Variants in CACNA1G observed in about 807,000 individuals in gnomAD.
The protein encoded by CACNA1G is voltage-dependent T-type calcium channel subunit alpha-1G.
In CACNA1G, 67 loss-of-function variants were observed where a neutral mutation model predicts 219.4. That is an observed-to-expected ratio of 0.31 (90% confidence interval 0.25 to 0.37). The LOEUF is 0.37. Ranked by LOEUF, CACNA1G falls within the 10% of genes least tolerant of loss-of-function variation. The pLI, the probability that CACNA1G is intolerant of heterozygous loss-of-function variation, is 1.00. For missense variants in CACNA1G, 2,380 were observed against 3,231.4 expected, an observed-to-expected ratio of 0.74 and a Z score of 6.39; for synonymous variants, 1,296 against 1,345.3, an observed-to-expected ratio of 0.96 and a Z score of 0.80.
chr17:50,602,760 A>G, intron 19 of CACNA1G, 60 bp from the exon 20 acceptor site: 1 of 1,502,698 alleles, frequency 6.7e-7, no homozygotes. Context: ...TATGCAGAGC[A>G]GACCTGGCCC....
chr17:50,571,802 G>T lies in CACNA1G; in HGVS notation c.587-76G>T. The T allele has an allele frequency of 1.3e-6, 2 of 1,538,008 alleles. No homozygotes were observed. The highest frequency in any genetic ancestry group is 2.2e-5 in the South Asian group (2 of 89,228). On this transcript the variant is annotated intron_variant, in intron 4 of 37. Transcript: ENST00000359106. The surrounding 1 kb of genome is among the most constrained non-coding windows in gnomAD (Gnocchi z 4.3). ...TCAGAGTCCCTGGTGGGGCCCCTCC[G>T]GGAGTGCTGCCGGGCCGTGGCAGTC...
intron 9 of CACNA1G, among the ~76,000 whole-genome samples, chr17:50,581,099 C>T (rs931507464): frequency 7.5e-6 from 1 of 132,470 alleles, no homozygotes; most frequent in Non-Finnish European, 1.6e-5. Context: ...AAGATGGAGA[C>T]GGGGGAGGAG....
chr17:50,596,680 C>G lies in CACNA1G; in HGVS notation c.3064+34C>G. The G allele has an allele frequency of 6.2e-7, 1 of 1,613,530 alleles. No homozygotes were observed. Among genetic ancestry groups the G allele is most frequent in the Non-Finnish European group, 8.5e-7 (1 of 1,179,576 alleles). ...CTATCCTGGGGTGCGACTTTTGGCC[C>G]TGGGCCAGCCCTGTGTGGACTCGGG... is the stretch of plus-strand genomic sequence containing the variant. On this transcript the variant is annotated intron_variant, in intron 15 of 37. Transcript: ENST00000359106. The surrounding 1 kb of genome is among the most constrained non-coding windows in gnomAD (Gnocchi z 4.8).
chr17:50,625,218 C>T (rs755238771), intron 37 of CACNA1G, among the ~76,000 whole-genome samples: 1 of 152,212 alleles, frequency 6.6e-6, no homozygotes, highest in Non-Finnish European at 1.5e-5. Flanking sequence ...ACCCAAAGTG[C>T]CGGGATTACA....
At chr17:50,566,580 C>A (rs2144528189) in intron 1 of CACNA1G, among the ~76,000 whole-genome samples, 2 of 152,324 alleles carry the variant, frequency 1.3e-5, no homozygotes, top group Middle Eastern at 3.4e-3. Flanking sequence ...AGGGGCAACT[C>A]CTCTGTGAGG....
chr17:50,602,724 A>T, intron 19 of CACNA1G, 96 bp from the exon 20 acceptor site: 1 of 1,080,930 alleles, frequency 9.3e-7, no homozygotes, highest in Non-Finnish European at 1.4e-6. Flanking sequence ...TCTGAGTCAA[A>T]TGTTAGAAGC....
At chr17:50,579,640 T>C (rs764002416) in intron 9 of CACNA1G, among the ~76,000 whole-genome samples, 14 of 152,244 alleles carry the variant, frequency 9.2e-5, no homozygotes, top group Admixed American at 9.2e-4. Context: ...TCCTGGGTGT[T>C]CTGGCCTCCC....
In CACNA1G at chr17:50,599,668, G is replaced by A; in HGVS notation, c.3499G>A (p.Glu1167Lys). 1 of 1,613,190 alleles carries A rather than the reference G, an allele frequency of 6.2e-7. No individual in the cohort carries two copies. Among genetic ancestry groups the A allele is most frequent in the Non-Finnish European group, 8.5e-7 (1 of 1,179,572 alleles). The change falls in exon 17 of 38, where the codon GAG becomes AAG. Residue 1167 changes from glutamate to lysine, a missense_variant. Transcript: ENST00000359106. ...DHRHRGSLER[E>K]AKSSFDLPDT... ...TCGCCACAGGGGGTCCCTGGAGCGG[G>A]AGGCCAAGAGTTCCTTTGACCTGCC... is the stretch of plus-strand genomic sequence containing the variant.
Position 50,619,748 on chromosome 17 carries a change from G to T in CACNA1G, c.5847G>T (p.Leu1949=). 6.2e-7 allele frequency: 1 copy of T among 1,609,974 alleles called. No individual in the cohort carries two copies. The change falls in exon 34 of 38, where the codon CTG becomes CTT. Residue 1949 remains leucine (L), a synonymous_variant. Transcript: ENST00000359106. The part of the protein sequence containing the change: ...IQGSLEWELK[L]MDELAGPGGQ... ...GCTCCCTGGAGTGGGAGCTGAAGCT[G>T]ATGGACGAGCTGGCAGGCCCAGGGG...
rs1431189685 is a variant in CACNA1G at position 50,591,782 on chromosome 17, C to T, written c.2683C>T (p.Arg895Trp). Residue 895 changes from arginine to tryptophan, a missense_variant, in exon 12 of 38, where the codon CGG becomes TGG. Arg to Trp is a moderately radical substitution (Grantham distance 101, BLOSUM62 -3). Coordinates refer to ENST00000359106, the MANE Select transcript of CACNA1G (RefSeq NM_018896.5). The part of the protein sequence containing the change: ...HLFGCKFASE[R>W]DGDTLPDRKN... ...CTTCGGCTGCAAGTTTGCCTCTGAG[C>T]GGGATGGGGACACCCTGCCAGACCG... is the stretch of plus-strand genomic sequence containing the variant. 26 of 1,613,966 alleles carry T rather than the reference C, an allele frequency of 1.6e-5. No individual in the cohort carries two copies. Among genetic ancestry groups the T allele is most frequent in the South Asian group, 2.2e-5 (2 of 91,078 alleles).
intron 7 of CACNA1G, chr17:50,573,329 G>T: frequency 1.9e-6 from 1 of 537,760 alleles, no homozygotes. Context: ...GGGACCTTGG[G>T]CAAGTCATTC....
At chr17:50,569,586 A>G (rs1255654081) in intron 3 of CACNA1G, 120 bp from the exon 4 acceptor site, 1 of 723,204 alleles carries the variant, frequency 1.4e-6, no homozygotes, top group African/African-American at 1.8e-5. Context: ...TCCCTTGGTG[A>G]AGAAGAAGAA....
Position 50,590,545 on chromosome 17 carries a change from G to A in CACNA1G, c.2376G>A (p.Leu792=), listed in dbSNP as rs1568059263. Residue 792 remains leucine, a synonymous_variant, in exon 10 of 38, where the codon CTG becomes CTA. Coordinates refer to ENST00000359106, the MANE Select transcript of CACNA1G (RefSeq NM_018896.5). The part of the protein sequence containing the change: ...FTSLFALEML[L]KLLVYGPFGY... ...GCCTCTTTGCCCTGGAGATGCTGCT[G>A]AAGCTGCTTGTGTATGGTCCCTTTG... The A allele has an allele frequency of 1.9e-6, 3 of 1,613,986 alleles. No homozygotes were observed. Among genetic ancestry groups the A allele is most frequent in the Non-Finnish European group, 2.5e-6 (3 of 1,179,864 alleles).
At chr17:50,582,432 G>C (rs2042151483) in intron 9 of CACNA1G, among the ~76,000 whole-genome samples, 1 of 152,206 alleles carries the variant, frequency 6.6e-6, no homozygotes, top group Admixed American at 6.5e-5. Flanking sequence ...AACATGGGTT[G>C]AGAGGAGGCA....
chr17:50,589,871 T>C (rs1206881355), intron 9 of CACNA1G, among the ~76,000 whole-genome samples: 2 of 151,174 alleles, frequency 1.3e-5, no homozygotes, highest in Non-Finnish European at 2.9e-5. Flanking sequence ...TCACCATGTG[T>C]GTGACTGGGA....
At chr17:50,605,237 G>GT (rs1198577582) in intron 22 of CACNA1G, among the ~76,000 whole-genome samples, 1 of 152,142 alleles carries the variant, frequency 6.6e-6, no homozygotes, top group African/African-American at 2.4e-5. Context: ...CCTGCCTTCC[G>GT]TTTTTCACTA....
intron 11 of CACNA1G, 27 bp downstream of exon 11, chr17:50,591,647 C>T (rs1381475838): frequency 5.6e-6 from 9 of 1,611,064 alleles, no homozygotes; most frequent in Non-Finnish European, 7.6e-6. Context: ...ACCTTGCCGG[C>T]TGAGAGACCG....
chr17:50,608,082 T>C, intron 25 of CACNA1G, 63 bp downstream of exon 25: 3 of 1,485,806 alleles, frequency 2.0e-6, no homozygotes, highest in Non-Finnish European at 2.7e-6. Context: ...TGCTTGACCT[T>C]GGCCTTGCGA....
chr17:50,616,458 G>A (rs896133917), intron 28 of CACNA1G, 74 bp downstream of exon 28: 2 of 898,718 alleles, frequency 2.2e-6, no homozygotes, highest in Non-Finnish European at 3.6e-6. Context: ...GAAATACCCA[G>A]GAAGACCTAG....
Sources: gnomAD v4.1 joint callset for allele counts (sites outside exome capture counted in the v4.1 genomes callset) on GRCh38, gnomAD v4.1.1 for gene constraint, Gnocchi (gnomAD v3.1) non-coding constraint, MANE v1.5 for transcripts, NCBI Gene and HGNC (gene_info 2026-07-23, HGNC 2026-07-21) for gene names.